TBL1XR1: variants seen among roughly 807,000 people sequenced by gnomAD.
TBL1XR1 encodes F-box-like/WD repeat-containing protein TBL1XR1.
TBL1XR1 carries 5 observed loss-of-function variants against 66.9 expected under a neutral mutation model. The ratio of observed to expected loss-of-function variants is 0.07; its 90% CI spans 0.04 to 0.16. TBL1XR1 has a LOEUF of 0.16. Ranked by LOEUF, TBL1XR1 falls within the 10% of genes least tolerant of loss-of-function variation. The pLI is 1.00. For missense variants in TBL1XR1, 238 were observed against 623.2 expected (o/e 0.38, Z 6.58); for synonymous variants, 210 against 206.0 (o/e 1.02, Z -0.17).
At chr3:177,134,737 TC>T (rs1291394419) in intron 1 of TBL1XR1, among the ~76,000 whole-genome samples, 2 of 152,150 alleles carry the variant, frequency 1.3e-5, no homozygotes, top group Non-Finnish European at 2.9e-5. Context: ...TTACAATACC[TC>T]TTACATACTC....
intron 1 of TBL1XR1, among the ~76,000 whole-genome samples, chr3:177,176,751 G>A (rs1245827439): frequency 1.3e-5 from 2 of 152,010 alleles, no homozygotes; most frequent in Non-Finnish European, 2.9e-5. Context: ...GGAGGCAGAG[G>A]TTGCAGTGAG....
At chr3:177,061,625 T>C (rs1237715817) in intron 3 of TBL1XR1, among the ~76,000 whole-genome samples, 1 of 152,228 alleles carries the variant, frequency 6.6e-6, no homozygotes, top group Non-Finnish European at 1.5e-5. Context: ...TTCTGCTGTC[T>C]CCTAATCCAA....
At chr3:177,131,506 A>G (rs926856870) in intron 1 of TBL1XR1, 11 of 516,542 alleles carry the variant, frequency 2.1e-5, no homozygotes, top group East Asian at 1.8e-4. Flanking sequence ...GTCATTCTGA[A>G]TATCTTTTTT....
chr3:177,168,927 A>G (rs1733141032), intron 1 of TBL1XR1, among the ~76,000 whole-genome samples: 1 of 152,132 alleles, frequency 6.6e-6, no homozygotes, highest in Non-Finnish European at 1.5e-5. Context: ...ATGTTGACTT[A>G]CCCTGTCTTT....
chr3:177,112,637 C>G (rs973693021), intron 1 of TBL1XR1, among the ~76,000 whole-genome samples: 1 of 152,132 alleles, frequency 6.6e-6, no homozygotes, highest in East Asian at 1.9e-4. Flanking sequence ...GTTTTAAAAA[C>G]AAGTAATTAG....
chr3:177,105,918 C>T (rs2108694640), intron 1 of TBL1XR1, among the ~76,000 whole-genome samples: 1 of 152,176 alleles, frequency 6.6e-6, no homozygotes, highest in African/African-American at 2.4e-5. Context: ...AGGAGAGTCG[C>T]TTCTTTCAAA....
rs1380814376 is a variant in TBL1XR1 at position 177,020,389 on chromosome 3, C to T, written c.*5109G>A. On this transcript the variant is annotated 3_prime_UTR_variant, in exon 16 of 16. Coordinates refer to ENST00000457928, the MANE Select transcript of TBL1XR1 (RefSeq NM_024665.7). The stretch of plus-strand genomic sequence containing the variant: ...TACTTTAATAAAAATAGTAAATAAC[C>T]CCTTCATTTAAAAAAATCTTATCTC... 1.3e-5 allele frequency: 2 copies of T among 151,752 alleles called. No homozygotes were observed. The highest frequency in any genetic ancestry group is 2.4e-5 in the African/African-American group (1 of 41,328). The allele number at this position is 151,752 out of a possible 1,614,324, so 9.4% of individuals were successfully genotyped here.
At chr3:177,047,673 G>T in intron 7 of TBL1XR1, 124 bp from the exon 8 acceptor site, 2 of 1,134,886 alleles carry the variant, frequency 1.8e-6, no homozygotes, top group Non-Finnish European at 2.5e-6. Flanking sequence ...TTCAAAACTT[G>T]TCAGTTTTGC....
At chr3:177,027,667 C>G (rs1048544635) in intron 14 of TBL1XR1, 4 of 152,164 alleles carry the variant, frequency 2.6e-5, no homozygotes, top group African/African-American at 9.7e-5. Flanking sequence ...TCCCATTCAG[C>G]CTATCCAAGA....
chr3:177,110,143 A>G (rs1387888415), intron 1 of TBL1XR1, among the ~76,000 whole-genome samples: 1 of 152,250 alleles, frequency 6.6e-6, no homozygotes, highest in Non-Finnish European at 1.5e-5. Context: ...CCATGATAAA[A>G]GCTATGAAAT....
chr3:177,048,776 A>AT (rs1045881133), intron 7 of TBL1XR1, among the ~76,000 whole-genome samples: 5 of 152,236 alleles, frequency 3.3e-5, no homozygotes, highest in African/African-American at 1.2e-4. Context: ...TGAATAACAC[A>AT]TTTTTTAAAA....
intron 1 of TBL1XR1, among the ~76,000 whole-genome samples, chr3:177,113,947 A>C (rs1725965357): frequency 6.6e-6 from 1 of 152,198 alleles, no homozygotes; most frequent in Non-Finnish European, 1.5e-5. Context: ...TTTCTAAAAA[A>C]AAATTTAAAA....
At chr3:177,124,932 C>T (rs1385179306) in intron 1 of TBL1XR1, among the ~76,000 whole-genome samples, 1 of 151,740 alleles carries the variant, frequency 6.6e-6, no homozygotes, top group Non-Finnish European at 1.5e-5. Context: ...TTATCACAAA[C>T]TGGGTTATAG....
chr3:177,160,991 G>A (rs1301483708), intron 1 of TBL1XR1: 1 of 145,478 alleles, frequency 6.9e-6, no homozygotes, highest in Non-Finnish European at 1.5e-5. Context: ...GTGAAACTCT[G>A]TCTCAAAAAA....
chr3:177,051,825 TA>T lies in TBL1XR1; in HGVS notation c.205-100del. On this transcript the variant is annotated intron_variant, in intron 4 of 15. Coordinates refer to ENST00000457928, the MANE Select transcript of TBL1XR1 (RefSeq NM_024665.7). ...GAAATGAAATGAAAATCTTCGTTCC[TA>T]AAAAAACATTTTTAGGAACTTTCTG... The T allele has an allele frequency of 2.9e-6, 4 of 1,369,414 alleles. No homozygotes were observed. In the South Asian group the frequency reaches 6.7e-5, roughly 23 times the overall value. 84.8% of individuals were successfully genotyped at this position (1,369,414 alleles called of 1,614,324 possible).
At chr3:177,173,628 A>G (rs1463433196) in intron 1 of TBL1XR1, among the ~76,000 whole-genome samples, 2 of 152,216 alleles carry the variant, frequency 1.3e-5, no homozygotes, top group Non-Finnish European at 2.9e-5. Context: ...ACTAAGGAGA[A>G]AACTAAATGC....
intron 14 of TBL1XR1, chr3:177,032,358 C>A (rs1714120078): frequency 6.6e-6 from 1 of 152,158 alleles, no homozygotes; most frequent in African/African-American, 2.4e-5. Context: ...AAGAGAAATA[C>A]ACCATAACAA....
Position 177,051,579 on chromosome 3 carries a change from C to T in TBL1XR1, c.352G>A (p.Ala118Thr). ...AAAAAAAAAA[A>T]SQQGSAKNGE... is the part of the protein sequence containing the mutation. ...TTTTTTGCAGATCCTTGTTGGCTGG[C>T]TGCAGCTGCGGCAGCTGCAGCAGCT... Residue 118 changes from alanine to threonine, a missense_variant, in exon 5 of 16, where the codon GCC (alanine) becomes ACC (threonine). Physicochemically the swap from Ala to Thr is moderately conservative, Grantham distance 58. Around this residue, in one of 8 missense-constraint regions of TBL1XR1, gnomAD observed 80 missense variants for 100.5 expected, o/e 0.80. Coordinates refer to ENST00000457928, the MANE Select transcript of TBL1XR1 (RefSeq NM_024665.7). 6.2e-7 allele frequency: 1 copy of T among 1,613,702 alleles called. No individual in the cohort carries two copies. The highest frequency in any genetic ancestry group is 8.5e-7 in the Non-Finnish European group (1 of 1,179,792).
intron 2 of TBL1XR1, among the ~76,000 whole-genome samples, chr3:177,078,984 G>T (rs771109165): frequency 1.3e-5 from 2 of 151,972 alleles, no homozygotes; most frequent in Admixed American, 6.6e-5. Flanking sequence ...CTTCTCAAAA[G>T]GACACAGAAG....
Sources: gnomAD v4.1 joint callset for allele counts (sites outside exome capture counted in the v4.1 genomes callset) on GRCh38, gnomAD v4.1.1 for gene constraint, gnomAD v4.1.1 regional missense constraint, MANE v1.5 for transcripts, NCBI Gene and HGNC (gene_info 2026-07-23, HGNC 2026-07-21) for gene names.